Variants in EPS8 observed in about 807,000 individuals in gnomAD.
EPS8 encodes the protein EGFR pathway substrate 8, signaling adaptor.
In EPS8, 42 loss-of-function variants were observed where a neutral mutation model predicts 103.8. The ratio of observed to expected loss-of-function variants is 0.40; its 90% CI spans 0.32 to 0.52. EPS8 has a LOEUF of 0.52. Among genes scored for constraint, EPS8 ranks in the 20% least tolerant of loss-of-function variants. The pLI, the probability that EPS8 is intolerant of heterozygous loss-of-function variation, is 0.40. For synonymous variants in EPS8, 344 were observed against 344.6 expected (o/e 1.00, Z 0.02); for missense variants, 969 against 1,005.1 (o/e 0.96, Z 0.49).
chr12:15,669,908 C>G, intron 4 of EPS8, 83 bp from the exon 5 acceptor site: 1 of 1,045,996 alleles, frequency 9.6e-7, no homozygotes, highest in African/African-American at 1.6e-5. Context: ...AAAAGAAAAT[C>G]AAATAACCTG....
chr12:15,663,950 T>TAATAAAA (rs375723916), intron 8 of EPS8, among the ~76,000 whole-genome samples: 1 of 61,774 alleles, frequency 1.6e-5, no homozygotes, highest in Non-Finnish European at 2.7e-5. Flanking sequence ...AAAAAAATAA[T>TAATAAAA]ATATATATAT....
chr12:15,707,895 T>C (rs1946409610), intron 1 of EPS8, among the ~76,000 whole-genome samples: 1 of 152,180 alleles, frequency 6.6e-6, no homozygotes, highest in African/African-American at 2.4e-5. Flanking sequence ...TGTAGTTCAG[T>C]TCACCTCCCT....
rs1946742686 is a variant in EPS8, at chr12:15,733,940, C to T, written c.-21-50968G>A. On this transcript the variant is annotated intron_variant, in intron 1 of 20. Coordinates refer to ENST00000281172, the MANE Select transcript of EPS8 (RefSeq NM_004447.6). The surrounding 1 kb of genome is among the most constrained non-coding windows in gnomAD (Gnocchi z 4.8). ...GTGATGCAATCTCAGCTCACTGCAGCCTTCACCTCCTGGACTCAAGTGATC... is the reference window on the plus strand; with the variant it reads ...GTGATGCAATCTCAGCTCACTGCAGTCTTCACCTCCTGGACTCAAGTGATC... Among the ~76,000 whole-genome samples the T allele has an allele frequency of 6.6e-6, 1 of 152,106 alleles. No individual in the cohort carries two copies. The highest frequency in any genetic ancestry group is 2.4e-5 in the African/African-American group (1 of 41,424).
At position 15,621,396 on chromosome 12, in the gene EPS8, A is replaced by G; in HGVS notation, c.2390T>C (p.Met797Thr). ...ACTGATTTTTTCCTGTCGTCTTCTCATAATTTCTTGTAACTCGGAGCTGCC... is the reference window on the plus strand; with the variant it reads ...ACTGATTTTTTCCTGTCGTCTTCTCGTAATTTCTTGTAACTCGGAGCTGCC... Reference protein sequence around the residue: ...SSGSSELQEIMRRRQEKISAA... With the variant: ...SSGSSELQEITRRRQEKISAA... The change falls in exon 21 of 21, where the codon ATG becomes ACG. Residue 797 changes from methionine to threonine, a missense_variant. Physicochemically the swap from Met to Thr is moderately conservative, Grantham distance 81. Coordinates refer to ENST00000281172, the MANE Select transcript of EPS8 (RefSeq NM_004447.6). The G allele has an allele frequency of 6.2e-7, 1 of 1,604,972 alleles. No homozygotes were observed.
chr12:15,758,779 G>A (rs1947013068), intron 1 of EPS8, among the ~76,000 whole-genome samples: 1 of 152,186 alleles, frequency 6.6e-6, no homozygotes. Context: ...TGATATAGTG[G>A]TTATGTAGGA....
At position 15,623,073 on chromosome 12, in the gene EPS8, G is replaced by A. The variant is rs112180857; in HGVS notation, c.2355+85C>T. On this transcript the variant is annotated intron_variant, in intron 20 of 20. Coordinates refer to ENST00000281172, the MANE Select transcript of EPS8 (RefSeq NM_004447.6). ...ATTTAATTCAGCTCTGTTAAGAAAGGGAAATTGGCCAATATGGACATAAAT... is the reference window on the plus strand; with the variant it reads ...ATTTAATTCAGCTCTGTTAAGAAAGAGAAATTGGCCAATATGGACATAAAT... The A allele has an allele frequency of 1.9e-5, 25 of 1,323,190 alleles. No homozygotes were observed. The African/African-American group carries it at 2.4e-4, about 13-fold the overall frequency. The allele number at this position is 1,323,190 out of a possible 1,614,324, so 82.0% of individuals were successfully genotyped here.
intron 8 of EPS8, chr12:15,662,810 A>G (rs1192169874): frequency 5.1e-6 from 1 of 197,258 alleles, no homozygotes; most frequent in Non-Finnish European, 9.1e-6. Context: ...CAGATATCTC[A>G]TGGTAGAATA....
In EPS8 at chr12:15,749,905, A is replaced by G. The variant is rs1053317793; in HGVS notation, c.-22+39256T>C. Among the ~76,000 whole-genome samples the G allele has an allele frequency of 6.6e-6, 1 of 152,188 alleles. No individual in the cohort carries two copies. The highest frequency in any genetic ancestry group is 2.4e-5 in the African/African-American group (1 of 41,430). On this transcript the variant is annotated intron_variant, in intron 1 of 20. Coordinates refer to ENST00000281172, the MANE Select transcript of EPS8 (RefSeq NM_004447.6). The surrounding 1 kb of genome is among the most constrained non-coding windows in gnomAD (Gnocchi z 4.0). ...GACTATAGTAATTCATCTAAGAAAAACGAATCTCCTTCTGTAGAATAGTTA... is the reference window on the plus strand; with the variant it reads ...GACTATAGTAATTCATCTAAGAAAAGCGAATCTCCTTCTGTAGAATAGTTA...
intron 1 of EPS8, among the ~76,000 whole-genome samples, chr12:15,689,099 G>A (rs1352013704): frequency 2.0e-5 from 3 of 151,862 alleles, no homozygotes; most frequent in Non-Finnish European, 4.4e-5. Context: ...AAAATTAGAA[G>A]CAGAACTCAA....
chr12:15,622,980 A>G lies in EPS8; in HGVS notation c.2355+178T>C, dbSNP rs932701998. The stretch of plus-strand genomic sequence containing the variant: ...CAAGCTTCACATCATATGAGCATTT[A>G]TAACAAATTAACCTTCTGGAAACTG... On this transcript the variant is annotated intron_variant, in intron 20 of 20. Coordinates refer to ENST00000281172, the MANE Select transcript of EPS8 (RefSeq NM_004447.6). Among the ~76,000 whole-genome samples, 8 of 152,222 alleles carry G rather than the reference A, an allele frequency of 5.3e-5. No individual in the cohort carries two copies. The East Asian group carries it at 7.7e-4, about 15-fold the overall frequency.
intron 18 of EPS8, among the ~76,000 whole-genome samples, chr12:15,624,956 C>G (rs977076145): frequency 9.2e-5 from 14 of 152,162 alleles, no homozygotes; most frequent in Non-Finnish European, 1.6e-4. Context: ...GTCAGCCTCT[C>G]CTACAGCAGA....
chr12:15,763,289 T>G (rs1293858621), intron 1 of EPS8, among the ~76,000 whole-genome samples: 1 of 152,106 alleles, frequency 6.6e-6, no homozygotes, highest in Admixed American at 6.6e-5. Flanking sequence ...CATTAAACTT[T>G]CCAAGTTGGT....
chr12:15,662,787 CAG>C (rs1945628387), intron 8 of EPS8: 1 of 308,744 alleles, frequency 3.2e-6, no homozygotes, highest in Non-Finnish European at 4.7e-6. Context: ...CCTCTAAACA[CAG>C]AGAGTTGTTA....
At position 15,760,919 on chromosome 12, in the gene EPS8, T is replaced by A. The variant is rs1319085217; in HGVS notation, c.-22+28242A>T. Among the ~76,000 whole-genome samples, 1 of 151,962 alleles carries A rather than the reference T, an allele frequency of 6.6e-6. No individual in the cohort carries two copies. Among genetic ancestry groups the A allele is most frequent in the Non-Finnish European group, 1.5e-5 (1 of 67,908 alleles). ...GGAAGTATGCCCACTTTCACCATTATTATTCAATGCAGTACTCCTAGCTAG... is the reference window on the plus strand; with the variant it reads ...GGAAGTATGCCCACTTTCACCATTAATATTCAATGCAGTACTCCTAGCTAG... On this transcript the variant is annotated intron_variant, in intron 1 of 20. Transcript: ENST00000281172. The surrounding 1 kb of genome is among the most constrained non-coding windows in gnomAD (Gnocchi z 4.5).
rs1035563168 is a variant in EPS8, at chr12:15,736,491, T to C, written c.-22+52670A>G. Reference sequence around the variant, plus strand: ...AAACCTATATGGCTAGCTAAATAGATGTCACACCCTCTATCTATGTGCTGA... The same window carrying C: ...AAACCTATATGGCTAGCTAAATAGACGTCACACCCTCTATCTATGTGCTGA... On this transcript the variant is annotated intron_variant, in intron 1 of 20. Coordinates refer to ENST00000281172, the MANE Select transcript of EPS8 (RefSeq NM_004447.6). This position sits in a 1 kb window ranked among gnomAD's most constrained non-coding sequence, Gnocchi z 4.2. 2.6e-5 allele frequency among the ~76,000 whole-genome samples: 4 copies of C among 152,184 alleles called. No individual in the cohort carries two copies. Among genetic ancestry groups the C allele is most frequent in the African/African-American group, 4.8e-5 (2 of 41,430 alleles).
rs1351301687 is a variant in EPS8, at chr12:15,716,158, T to C, written c.-21-33186A>G. Among the ~76,000 whole-genome samples the C allele has an allele frequency of 6.6e-6, 1 of 152,156 alleles. No homozygotes were observed. The highest frequency in any genetic ancestry group is 1.5e-5 in the Non-Finnish European group (1 of 68,024). ...GAGAGAGTATCCCAATTCCAATCCC[T>C]GTCATTTTTAAGATACTGTCTCTTA... On this transcript the variant is annotated intron_variant, in intron 1 of 20. Transcript: ENST00000281172. The surrounding 1 kb of genome is among the most constrained non-coding windows in gnomAD (Gnocchi z 5.0).
intron 15 of EPS8, among the ~76,000 whole-genome samples, chr12:15,646,193 G>A (rs1459456789): frequency 6.6e-6 from 1 of 151,986 alleles, no homozygotes; most frequent in Non-Finnish European, 1.5e-5. Flanking sequence ...GGTGCCCTTG[G>A]AGTTATACCT....
intron 17 of EPS8, among the ~76,000 whole-genome samples, chr12:15,635,959 C>T (rs118111498): frequency 1.1e-4 from 17 of 151,852 alleles, no homozygotes; most frequent in South Asian, 4.2e-4. Context: ...CAATAATAAA[C>T]GCATAGATAA....
At position 15,781,336 on chromosome 12, in the gene EPS8, C is replaced by T. The variant is rs1029716945; in HGVS notation, c.-22+7825G>A. 2.6e-5 allele frequency among the ~76,000 whole-genome samples: 4 copies of T among 152,164 alleles called. No homozygotes were observed. The highest frequency in any genetic ancestry group is 9.7e-5 in the African/African-American group (4 of 41,432). Reference sequence around the variant, plus strand: ...AGAATGTAATTAAGGACACTCTGGCCATCCTTGCCCTTTTTCTTTAATAAG... The same window carrying T: ...AGAATGTAATTAAGGACACTCTGGCTATCCTTGCCCTTTTTCTTTAATAAG... On this transcript the variant is annotated intron_variant, in intron 1 of 20. Transcript: ENST00000281172. This position sits in a 1 kb window ranked among gnomAD's most constrained non-coding sequence, Gnocchi z 4.1.
Sources: gnomAD v4.1 joint callset for allele counts (sites outside exome capture counted in the v4.1 genomes callset) on GRCh38, gnomAD v4.1.1 for gene constraint, Gnocchi (gnomAD v3.1) non-coding constraint, MANE v1.5 for transcripts, NCBI Gene and HGNC (gene_info 2026-07-23, HGNC 2026-07-21) for gene names.